Variants in KDM6A observed in about 807,000 individuals in gnomAD.
KDM6A encodes the protein lysine demethylase 6A, also known as lysine-specific demethylase 6A.
KDM6A carries 11 observed loss-of-function variants against 117.6 expected under a neutral mutation model. The observed-to-expected ratio is 0.09, with a 90% confidence interval of 0.06 to 0.15. KDM6A has a LOEUF of 0.15. Ranked by LOEUF, KDM6A falls within the 10% of genes least tolerant of loss-of-function variation. The probability of loss-of-function intolerance (pLI) is 1.00; values close to 1 mark genes in which losing one functional copy is unlikely to be tolerated. For missense variants in KDM6A, 799 were observed against 1,077.3 expected, an observed-to-expected ratio of 0.74 and a Z score of 3.62; for synonymous variants, 384 against 396.1, an observed-to-expected ratio of 0.97 and a Z score of 0.36.
chrX:45,044,399 T>G (rs1169371313), intron 8 of KDM6A, among the ~76,000 whole-genome samples: 1 of 111,693 alleles, frequency 9.0e-6, no homozygotes, highest in Admixed American at 9.5e-5. Flanking sequence ...AGAGGATTTC[T>G]CCCTTTTCAT....
chrX:44,897,138 C>CTTTTTTTT (rs752521695), intron 2 of KDM6A, among the ~76,000 whole-genome samples: 3 of 73,022 alleles, frequency 4.1e-5, no homozygotes, highest in Non-Finnish European at 5.6e-5. Context: ...AGGCTTTGTT[C>CTTTTTTTT]TTTTTTTTTT....
intron 4 of KDM6A, among the ~76,000 whole-genome samples, chrX:45,001,223 GA>G (rs1318315227): frequency 1.2e-4 from 13 of 111,710 alleles, no homozygotes; most frequent in African/African-American, 4.2e-4. Context: ...CCGGCTTAAA[GA>G]AGGGAACTGG....
At chrX:45,073,331 A>G (rs1448823696) in intron 18 of KDM6A, among the ~76,000 whole-genome samples, 1 of 111,714 alleles carries the variant, frequency 9.0e-6, no homozygotes, top group East Asian at 2.8e-4. Flanking sequence ...CACAATAAAC[A>G]TACGTGTGCG....
chrX:45,076,976 T>G, intron 19 of KDM6A, 150 bp downstream of exon 19: 1 of 489,070 alleles, frequency 2.0e-6, no homozygotes, highest in South Asian at 3.3e-5. Context: ...GAAGATATAT[T>G]CAAGAAGATT....
chrX:45,026,846 A>G (rs1307806712), intron 6 of KDM6A, among the ~76,000 whole-genome samples: 2 of 109,704 alleles, frequency 1.8e-5, no homozygotes, highest in Admixed American at 2.0e-4. Context: ...AAAAAAAAAA[A>G]AAAGATACTG....
At chrX:44,907,889 C>G (rs1437808846) in intron 2 of KDM6A, among the ~76,000 whole-genome samples, 1 of 108,789 alleles carries the variant, frequency 9.2e-6, no homozygotes, top group African/African-American at 3.4e-5. Context: ...ATAAGCCTGG[C>G]AGCTAGTGTT....
Position 45,057,738 on chromosome X carries a change from C to T in KDM6A, c.876-1268C>T, listed in dbSNP as rs142951674. ...TCATGCTGTTCAAACCCATTTAAAA[C>T]GCCTTTTCTCATCTTCTCTGCCCGA... On this transcript the variant is annotated intron_variant, in intron 10 of 29. Transcript: ENST00000611820. Among the ~76,000 whole-genome samples the T allele has an allele frequency of 6.7e-3, 740 of 110,833 alleles. 7 individuals are homozygous for T. Among genetic ancestry groups the T allele is most frequent in the African/African-American group, 0.023 (714 of 30,529 alleles).
chrX:45,065,473 C>G (rs189036974), intron 17 of KDM6A, among the ~76,000 whole-genome samples: 74 of 111,883 alleles, frequency 6.6e-4, no homozygotes, highest in African/African-American at 2.4e-3. Context: ...CTTTGGTACT[C>G]TGTGGATAGA....
At chrX:45,003,442 T>G (rs1385471919) in intron 4 of KDM6A, among the ~76,000 whole-genome samples, 1 of 104,355 alleles carries the variant, frequency 9.6e-6, no homozygotes, top group African/African-American at 3.5e-5. Flanking sequence ...TACTTTCTTG[T>G]GTTAGCAAAA....
chrX:44,988,856 A>G (rs2040403379), intron 4 of KDM6A, among the ~76,000 whole-genome samples: 1 of 111,080 alleles, frequency 9.0e-6, no homozygotes, highest in South Asian at 3.8e-4. Flanking sequence ...CTCGGGGGTC[A>G]GGGACCCACT....
At chrX:44,970,101 A>T (rs764001498) in intron 3 of KDM6A, among the ~76,000 whole-genome samples, 23 of 112,010 alleles carry the variant, frequency 2.1e-4, no homozygotes, top group African/African-American at 7.1e-4. Context: ...TTTTTTTCTG[A>T]TTAAGAAACA....
intron 24 of KDM6A, among the ~76,000 whole-genome samples, chrX:45,083,953 T>TAA (rs1246958177): frequency 1.8e-5 from 2 of 112,103 alleles, no homozygotes; most frequent in Non-Finnish European, 3.8e-5. Flanking sequence ...CAAGTAACAA[T>TAA]AAAAAGTATG....
chrX:44,942,482 C>T (rs1462332236), intron 2 of KDM6A, among the ~76,000 whole-genome samples: 25 of 110,724 alleles, frequency 2.3e-4, no homozygotes, highest in Admixed American at 1.3e-3. Flanking sequence ...TGTCTTTTCA[C>T]GAATACCATA....
intron 4 of KDM6A, among the ~76,000 whole-genome samples, chrX:44,979,206 A>G (rs1174131183): frequency 8.9e-6 from 1 of 112,135 alleles, no homozygotes; most frequent in Non-Finnish European, 1.9e-5. Context: ...CAGATGTTCC[A>G]TATCTTCGTT....
chrX:44,924,348 C>T (rs1237902456), intron 2 of KDM6A, among the ~76,000 whole-genome samples: 2 of 111,905 alleles, frequency 1.8e-5, no homozygotes, highest in African/African-American at 6.5e-5. Flanking sequence ...TATCTCATTG[C>T]TTTCTGTATA....
In KDM6A at chrX:45,062,640, C is replaced by A; in HGVS notation, c.1582-7C>A. 8.6e-7 allele frequency: 1 copy of A among 1,165,217 alleles called. No individual in the cohort carries two copies. The highest frequency in any genetic ancestry group is 1.8e-5 in the African/African-American group (1 of 56,874). ...TTGACTATATTCTCTTTTTGTTCTT[C>A]TTCTAGCATTTGGAACAGCTCCGCG... On this transcript the variant is annotated splice_region_variant and splice_polypyrimidine_tract_variant and intron_variant, in intron 15 of 29. Transcript: ENST00000611820.
At chrX:45,040,321 G>GC (rs1354544320) in intron 8 of KDM6A, among the ~76,000 whole-genome samples, 92 of 78,797 alleles carry the variant, frequency 1.2e-3, no homozygotes, top group South Asian at 3.5e-3. Flanking sequence ...GGGCAGAGGG[G>GC]TCCTCACTTC....
chrX:45,109,185 A>C (rs982650053), intron 28 of KDM6A, among the ~76,000 whole-genome samples: 4 of 109,984 alleles, frequency 3.6e-5, no homozygotes, highest in Admixed American at 2.9e-4. Context: ...ACCTGTAAAA[A>C]AAAAAAAGTT....
chrX:45,087,894 A>G (rs983649443), intron 25 of KDM6A, among the ~76,000 whole-genome samples: 4 of 112,048 alleles, frequency 3.6e-5, no homozygotes, highest in Non-Finnish European at 1.9e-5. Flanking sequence ...TCAGCATTTC[A>G]CTGTAATTTT....
Sources: gnomAD v4.1 joint callset for allele counts (sites outside exome capture counted in the v4.1 genomes callset) on GRCh38, gnomAD v4.1.1 for gene constraint, MANE v1.5 for transcripts, NCBI Gene and HGNC (gene_info 2026-07-23, HGNC 2026-07-21) for gene names.